The following GPC5 variants were observed in gnomAD, a reference collection of about 807,000 sequenced individuals.
GPC5 encodes glypican-5.
GPC5 carries 47 observed loss-of-function variants against 53.9 expected under a neutral mutation model. The ratio of observed to expected loss-of-function variants is 0.87; its 90% CI spans 0.69 to 1.11. The LOEUF (loss-of-function observed/expected upper bound fraction) is 1.11. Among genes scored for constraint, GPC5 ranks in the 50% most tolerant of loss-of-function variants. The probability of loss-of-function intolerance (pLI) is 0.00; values close to 1 mark genes in which losing one functional copy is unlikely to be tolerated. For missense variants in GPC5, 748 were observed against 713.1 expected, an observed-to-expected ratio of 1.05 and a Z score of -0.56; for synonymous variants, 286 against 263.3, an observed-to-expected ratio of 1.09 and a Z score of -0.84.
chr13:91,448,249 T>G (rs1469272853), intron 1 of GPC5, among the ~76,000 whole-genome samples: 10 of 152,228 alleles, frequency 6.6e-5, no homozygotes, highest in African/African-American at 1.9e-4. Flanking sequence ...TCCCAGCATG[T>G]CATTATTGCA....
intron 7 of GPC5, among the ~76,000 whole-genome samples, chr13:92,722,745 T>C (rs1451811946): frequency 6.6e-6 from 1 of 151,844 alleles, no homozygotes; most frequent in African/African-American, 2.4e-5. Flanking sequence ...CAGAGTGTGA[T>C]TGGGTAATTG....
chr13:91,912,829 G>A (rs2039622826), intron 6 of GPC5, among the ~76,000 whole-genome samples: 1 of 152,016 alleles, frequency 6.6e-6, no homozygotes, highest in South Asian at 2.1e-4. Flanking sequence ...TCTACATGTT[G>A]AAACTAACAA....
chr13:92,371,625 C>T (rs532622364), intron 7 of GPC5, among the ~76,000 whole-genome samples: 3 of 152,098 alleles, frequency 2.0e-5, no homozygotes, highest in South Asian at 2.1e-4. Context: ...AGAGAAGCAA[C>T]GCATCTTCTT....
intron 6 of GPC5, among the ~76,000 whole-genome samples, chr13:92,111,978 A>G (rs2041560605): frequency 6.6e-6 from 1 of 152,214 alleles, no homozygotes; most frequent in Admixed American, 6.5e-5. Context: ...GAAGAAATTC[A>G]TGATTAGATG....
chr13:92,337,644 A>G (rs1594110330), intron 7 of GPC5, among the ~76,000 whole-genome samples: 1 of 152,276 alleles, frequency 6.6e-6, no homozygotes, highest in South Asian at 2.1e-4. Context: ...GAGCCTAGAA[A>G]TTGACCCACA....
At chr13:91,686,206 A>T (rs1190324192) in intron 2 of GPC5, among the ~76,000 whole-genome samples, 7 of 152,066 alleles carry the variant, frequency 4.6e-5, no homozygotes, top group Non-Finnish European at 1.0e-4. Context: ...TGCTAAAATC[A>T]AGTTGATTTT....
Position 91,841,147 on chromosome 13 carries a change from G to C in GPC5, c.1281-66790G>C, listed in dbSNP as rs565036709. 9.2e-5 allele frequency among the ~76,000 whole-genome samples: 14 copies of C among 151,846 alleles called. No individual in the cohort carries two copies. In the East Asian group the frequency reaches 2.5e-3, roughly 27 times the overall value. On this transcript the variant is annotated intron_variant, in intron 5 of 7. Coordinates refer to ENST00000377067, the MANE Select transcript of GPC5 (RefSeq NM_004466.6). ...ATTCCGAAGGGGCCTGGAGGGAAGA[G>C]CTTTTTCACACAGACAGATGAATTA...
chr13:92,020,317 T>A (rs2040746335), intron 6 of GPC5, among the ~76,000 whole-genome samples: 1 of 152,108 alleles, frequency 6.6e-6, no homozygotes, highest in Admixed American at 6.6e-5. Flanking sequence ...TTCACAGACC[T>A]GGGGATTAGG....
At chr13:91,804,139 G>T (rs914611553) in intron 5 of GPC5, among the ~76,000 whole-genome samples, 3 of 152,112 alleles carry the variant, frequency 2.0e-5, no homozygotes, top group African/African-American at 7.2e-5. Context: ...TTGACCCTAG[G>T]CTTCCTTGTA....
At chr13:91,981,755 G>A (rs1477261009) in intron 6 of GPC5, among the ~76,000 whole-genome samples, 1 of 152,162 alleles carries the variant, frequency 6.6e-6, no homozygotes, top group African/African-American at 2.4e-5. Context: ...ATGTAACCAA[G>A]ATGTTAATAA....
At chr13:92,596,814 T>C (rs1883898241) in intron 7 of GPC5, among the ~76,000 whole-genome samples, 1 of 152,194 alleles carries the variant, frequency 6.6e-6, no homozygotes, top group South Asian at 2.1e-4. Context: ...ATAAAATAAT[T>C]TAATTCTAAA....
At chr13:91,945,895 G>A (rs1296834801) in intron 6 of GPC5, among the ~76,000 whole-genome samples, 1 of 152,132 alleles carries the variant, frequency 6.6e-6, no homozygotes, top group Admixed American at 6.5e-5. Flanking sequence ...TTATTATTTT[G>A]TAGTTATTTT....
intron 7 of GPC5, among the ~76,000 whole-genome samples, chr13:92,383,215 T>G (rs1005142881): frequency 6.6e-6 from 1 of 152,170 alleles, no homozygotes; most frequent in East Asian, 1.9e-4. Flanking sequence ...TATTTTTTAA[T>G]GTAAAAGATG....
intron 7 of GPC5, among the ~76,000 whole-genome samples, chr13:92,270,477 A>T (rs2042832582): frequency 6.6e-6 from 1 of 152,118 alleles, no homozygotes; most frequent in Non-Finnish European, 1.5e-5. Context: ...CCGTGATTGT[A>T]AGTTTGTGGA....
At chr13:91,520,599 T>C (rs1885751052) in intron 2 of GPC5, among the ~76,000 whole-genome samples, 1 of 152,126 alleles carries the variant, frequency 6.6e-6, no homozygotes, top group South Asian at 2.1e-4. Flanking sequence ...GATTTCCAAC[T>C]TGTCGCTTAC....
At chr13:92,256,156 GATATA>G (rs1238397137) in intron 7 of GPC5, among the ~76,000 whole-genome samples, 4 of 151,446 alleles carry the variant, frequency 2.6e-5, no homozygotes, top group Admixed American at 2.0e-4. Flanking sequence ...ATATAATATA[GATATA>G]ATATATAGAG....
At chr13:92,739,481 T>C (rs576138004) in intron 7 of GPC5, among the ~76,000 whole-genome samples, 14 of 152,166 alleles carry the variant, frequency 9.2e-5, no homozygotes, top group Non-Finnish European at 1.9e-4. Flanking sequence ...AGATGAGCAA[T>C]TGAACAAGCC....
At chr13:92,445,559 T>C (rs1023723160) in intron 7 of GPC5, among the ~76,000 whole-genome samples, 6 of 146,862 alleles carry the variant, frequency 4.1e-5, no homozygotes, top group African/African-American at 1.5e-4. Context: ...AGTGAGAATA[T>C]GTGGTGTTTG....
At chr13:92,038,221 G>T (rs1401270779) in intron 6 of GPC5, among the ~76,000 whole-genome samples, 1 of 151,898 alleles carries the variant, frequency 6.6e-6, no homozygotes, top group South Asian at 2.1e-4. Flanking sequence ...ACCCAGGTGC[G>T]ACTACTGTGG....
Sources: gnomAD v4.1 joint callset for allele counts (sites outside exome capture counted in the v4.1 genomes callset) on GRCh38, gnomAD v4.1.1 for gene constraint, MANE v1.5 for transcripts, NCBI Gene and HGNC (gene_info 2026-07-23, HGNC 2026-07-21) for gene names.